The following SHPRH variants were observed in gnomAD, a reference collection of about 807,000 sequenced individuals.
SHPRH encodes SNF2 histone linker PHD RING helicase.
A neutral mutation model predicts 202.5 loss-of-function variants in SHPRH; 106 were observed. The observed-to-expected ratio is 0.52, with a 90% CI of 0.45 to 0.62. SHPRH has a LOEUF of 0.62. SHPRH is among the 20% of genes least tolerant of loss of function. The pLI, the probability that SHPRH is intolerant of heterozygous loss-of-function variation, is 0.00. For missense variants in SHPRH, 1,710 were observed against 2,020.0 expected (o/e 0.85, Z 2.94); for synonymous variants, 729 against 686.0 (o/e 1.06, Z -0.98).
chr6:145,931,895 T>A (rs1356757953), intron 14 of SHPRH, among the ~76,000 whole-genome samples: 3 of 151,868 alleles, frequency 2.0e-5, no homozygotes, highest in Admixed American at 6.6e-5. Context: ...TATTTCTTTT[T>A]TTTTTTTTTC....
At chr6:145,956,605 A>G (rs1788535180) in intron 1 of SHPRH, among the ~76,000 whole-genome samples, 1 of 152,174 alleles carries the variant, frequency 6.6e-6, no homozygotes, top group Non-Finnish European at 1.5e-5. Context: ...GGATCCACAC[A>G]CAAGGAAATA....
At chr6:145,941,075 TAACTG>T (rs1786717889) in intron 10 of SHPRH, among the ~76,000 whole-genome samples, 1 of 152,188 alleles carries the variant, frequency 6.6e-6, no homozygotes, top group Non-Finnish European at 1.5e-5. Context: ...GCCCCCTGAA[TAACTG>T]ATCCATGCCC....
In SHPRH at chr6:145,961,101, C is replaced by T. The variant is rs1789045778; in HGVS notation, c.-33+2630G>A. 2.0e-5 allele frequency among the ~76,000 whole-genome samples: 3 copies of T among 152,180 alleles called. 1 individual carries two copies. The highest frequency in any genetic ancestry group is 4.1e-4 in the South Asian group (2 of 4,830). Reference sequence around the variant, plus strand: ...CTCCTGCAATGCAGCCCGGTTCTAACAGGCCACGGACTGGCACCGGTCCAT... The same window carrying T: ...CTCCTGCAATGCAGCCCGGTTCTAATAGGCCACGGACTGGCACCGGTCCAT... On this transcript the variant is annotated intron_variant, in intron 1 of 29. Coordinates refer to ENST00000275233, the MANE Select transcript of SHPRH (RefSeq NM_001042683.3).
At chr6:145,958,071 T>C (rs1275203298) in intron 1 of SHPRH, among the ~76,000 whole-genome samples, 2 of 152,206 alleles carry the variant, frequency 1.3e-5, no homozygotes. Flanking sequence ...TGAAAGACTA[T>C]ATACTATATG....
intron 25 of SHPRH, among the ~76,000 whole-genome samples, chr6:145,895,764 A>C (rs1261557145): frequency 6.6e-6 from 1 of 152,028 alleles, no homozygotes; most frequent in East Asian, 1.9e-4. Context: ...TCATAGTTCT[A>C]CAACTCACTA....
At position 145,926,251 on chromosome 6, in the gene SHPRH, G is replaced by T. The variant is rs1477599230; in HGVS notation, c.3247C>A (p.His1083Asn). 4 of 1,612,802 alleles carry T rather than the reference G, an allele frequency of 2.5e-6. No homozygotes were observed. ...HNLMELLIAR[H>N]PGIPPTLRDG... Reference sequence around the variant, plus strand: ...CGCAAGGTAGGTGGTATCCCTGGGTGCCTGGCTATCAACAATTCCATCAAG... The same window carrying T: ...CGCAAGGTAGGTGGTATCCCTGGGTTCCTGGCTATCAACAATTCCATCAAG... The change falls in exon 16 of 30, where the codon CAC becomes AAC. Residue 1083 changes from histidine (H) to asparagine (N), a missense_variant. His to Asn is a moderately conservative substitution (Grantham distance 68, BLOSUM62 1). Transcript: ENST00000275233.
chr6:145,949,269 T>C (rs143114405), intron 4 of SHPRH, among the ~76,000 whole-genome samples: 7 of 152,172 alleles, frequency 4.6e-5, no homozygotes, highest in African/African-American at 1.7e-4. Flanking sequence ...TACATGTTTA[T>C]TGAAGTACAA....
rs1784218947 is a variant in SHPRH, at chr6:145,919,276, C to CT, written c.4152+71dup. On this transcript the variant is annotated intron_variant, in intron 22 of 29. Coordinates refer to ENST00000275233, the MANE Select transcript of SHPRH (RefSeq NM_001042683.3). The stretch of plus-strand genomic sequence containing the variant: ...GTAGAGCTCAGTGCCCTGATTCTGC[C>CT]TTTTCTATGGGTCTTAGATATCTGT... The CT allele has an allele frequency of 5.1e-6, 8 of 1,580,968 alleles. No individual in the cohort carries two copies. In the South Asian group the frequency reaches 9.2e-5, roughly 18 times the overall value.
At chr6:145,919,153 G>T in intron 22 of SHPRH, 195 bp downstream of exon 22, 1 of 638,580 alleles carries the variant, frequency 1.6e-6, no homozygotes, top group African/African-American at 1.9e-5. Context: ...CACTAAGCAT[G>T]TAATAGATAT....
intron 25 of SHPRH, among the ~76,000 whole-genome samples, chr6:145,900,277 AT>A (rs1021009559): frequency 2.6e-5 from 4 of 152,132 alleles, no homozygotes; most frequent in Non-Finnish European, 5.9e-5. Flanking sequence ...TGATGAATAA[AT>A]TTTAAAACAG....
At chr6:145,919,235 T>C (rs1784214482) in intron 22 of SHPRH, 113 bp downstream of exon 22, 7 of 1,392,650 alleles carry the variant, frequency 5.0e-6, no homozygotes. Flanking sequence ...AAATGGAGAT[T>C]AAATACACAC....
intron 11 of SHPRH, among the ~76,000 whole-genome samples, chr6:145,937,003 A>G (rs570862638): frequency 3.7e-3 from 232 of 62,148 alleles, no homozygotes; most frequent in Middle Eastern, 0.016. Flanking sequence ...TTTTTTTTTG[A>G]GACAGAGTCT....
At position 145,910,567 on chromosome 6, in the gene SHPRH, C is replaced by T. The variant is rs764127816; in HGVS notation, c.4396G>A (p.Val1466Met). 1.1e-5 allele frequency: 18 copies of T among 1,612,788 alleles called. No individual in the cohort carries two copies. Among genetic ancestry groups the T allele is most frequent in the South Asian group, 4.4e-5 (4 of 91,030 alleles). Reference protein sequence around the residue: ...CISIIIEQYSVGSHRSSIKCA... With the variant: ...CISIIIEQYSMGSHRSSIKCA... ...TTAATGGAGCTTCTGTGAGATCCCA[C>T]GCTGTATTGTTCAATAATTATAGAA... Residue 1466 changes from valine (V) to methionine (M), a missense_variant, in exon 25 of 30, where the codon GTG becomes ATG. Val to Met is a conservative substitution (Grantham distance 21). Around this residue, in one of 8 missense-constraint regions of SHPRH, gnomAD observed 306 missense variants for 479.5 expected, o/e 0.64. Coordinates refer to ENST00000275233, the MANE Select transcript of SHPRH (RefSeq NM_001042683.3).
chr6:145,930,353 T>C (rs1355785898), intron 14 of SHPRH, among the ~76,000 whole-genome samples: 3 of 150,738 alleles, frequency 2.0e-5, no homozygotes, highest in African/African-American at 7.5e-5. Flanking sequence ...GTCTCCGATA[T>C]GAAACTTTTT....
Position 145,886,193 on chromosome 6 carries a change from A to G in SHPRH, c.*498T>C, listed in dbSNP as rs1780992036. 1 of 372,552 alleles carries G rather than the reference A, an allele frequency of 2.7e-6. No homozygotes were observed. Among genetic ancestry groups the G allele is most frequent in the Admixed American group, 4.0e-5 (1 of 24,950 alleles). 23.1% of individuals were successfully genotyped at this position (372,552 alleles called of 1,614,324 possible). A position where few individuals can be genotyped will look rare whatever the true frequency, so the allele number is the denominator to read the frequency against. ...TTACTAGGTGTAAAGTTATGGTATA[A>G]GCCTACTCAAAAAATGGGTTAATAT... is the stretch of plus-strand genomic sequence containing the variant. On this transcript the variant is annotated 3_prime_UTR_variant, in exon 30 of 30. Transcript: ENST00000275233.
chr6:145,939,560 A>G (rs894689614), intron 11 of SHPRH, among the ~76,000 whole-genome samples: 21 of 152,142 alleles, frequency 1.4e-4, no homozygotes, highest in African/African-American at 5.1e-4. Flanking sequence ...AGTAACTCTG[A>G]TAGTCATGTA....
chr6:145,907,743 A>T (rs1354109771), intron 25 of SHPRH: 1 of 152,180 alleles, frequency 6.6e-6, no homozygotes, highest in South Asian at 2.1e-4. Context: ...ATACCTGCTT[A>T]ACTGTCATTC....
chr6:145,897,392 A>C (rs918469974), intron 25 of SHPRH, among the ~76,000 whole-genome samples: 3 of 152,134 alleles, frequency 2.0e-5, no homozygotes, highest in African/African-American at 7.2e-5. Flanking sequence ...TGAGTCAGTA[A>C]TAAAAAGTCT....
chr6:145,865,677 A>C (rs1779746444), intron 2 of SHPRH, among the ~76,000 whole-genome samples: 1 of 152,194 alleles, frequency 6.6e-6, no homozygotes, highest in South Asian at 2.1e-4. Context: ...AGCGGGCTTC[A>C]TTTCAGGAGC....
Sources: allele counts gnomAD v4.1 joint callset (sites outside exome capture counted in the v4.1 genomes callset), GRCh38; gene constraint gnomAD v4.1.1; regional missense constraint gnomAD v4.1.1; transcripts MANE v1.5; gene names NCBI Gene and HGNC (gene_info 2026-07-23, HGNC 2026-07-21).